The following PDZD2 variants were observed in gnomAD, a reference collection of about 807,000 sequenced individuals.
PDZD2 encodes the protein PDZ domain containing 2.
Under a neutral mutation model 220.7 loss-of-function variants are expected in PDZD2, and 90 were observed. The ratio of observed to expected loss-of-function variants is 0.41; its 90% CI spans 0.34 to 0.49. The LOEUF (loss-of-function observed/expected upper bound fraction) is 0.49, where lower values mean the gene tolerates loss of function less well. Among genes scored for constraint, PDZD2 ranks in the 20% least tolerant of loss-of-function variants. PDZD2 has a pLI of 0.28. For synonymous variants in PDZD2, 1,375 were observed against 1,450.5 expected, an observed-to-expected ratio of 0.95 and a Z score of 1.18; for missense variants, 3,174 against 3,608.5, an observed-to-expected ratio of 0.88 and a Z score of 3.08.
intron 1 of PDZD2, among the ~76,000 whole-genome samples, chr5:31,661,178 T>C (rs1054531447): frequency 2.6e-5 from 4 of 152,204 alleles, no homozygotes; most frequent in Admixed American, 1.3e-4. Context: ...AGGTCCTGGC[T>C]TCGGAGGTTC....
At chr5:31,804,712 C>T (rs1320429492) in intron 2 of PDZD2, among the ~76,000 whole-genome samples, 1 of 136,444 alleles carries the variant, frequency 7.3e-6, no homozygotes, top group African/African-American at 2.6e-5. Flanking sequence ...ACTTCTGCAC[C>T]AGATCTGTAC....
chr5:31,756,368 A>G (rs1266682861), intron 1 of PDZD2, among the ~76,000 whole-genome samples: 3 of 152,216 alleles, frequency 2.0e-5, no homozygotes, highest in African/African-American at 7.2e-5. Flanking sequence ...GTTCAGCACC[A>G]CATTCCCAGC....
chr5:31,709,297 G>A (rs925164146), intron 1 of PDZD2, among the ~76,000 whole-genome samples: 4 of 151,754 alleles, frequency 2.6e-5, no homozygotes. Flanking sequence ...GACCAGCTTG[G>A]GCAACGAAAT....
At chr5:31,991,807 TC>T (rs1751233782) in intron 3 of PDZD2, among the ~76,000 whole-genome samples, 1 of 152,176 alleles carries the variant, frequency 6.6e-6, no homozygotes. Context: ...GGTGGGCAGA[TC>T]ACCAGTGGTC....
intron 6 of PDZD2, among the ~76,000 whole-genome samples, chr5:32,030,058 G>A (rs1445932107): frequency 1.3e-5 from 2 of 152,182 alleles, no homozygotes; most frequent in Non-Finnish European, 2.9e-5. Context: ...CTTCTTGACT[G>A]GCATTTTCAC....
chr5:31,850,030 A>ACGTG (rs1757908601), intron 2 of PDZD2, among the ~76,000 whole-genome samples: 1 of 76,222 alleles, frequency 1.3e-5, no homozygotes, highest in Non-Finnish European at 2.3e-5. Context: ...ATATACTCAT[A>ACGTG]TATACACGTA....
intron 1 of PDZD2, among the ~76,000 whole-genome samples, chr5:31,737,078 A>G (rs406534): frequency 0.61 from 92,313 of 151,652 alleles, 28,502 homozygotes; most frequent in East Asian, 0.92. Context: ...ATTTCTTTAT[A>G]GCAATGCAAG....
chr5:32,077,256 G>A (rs947843748), intron 18 of PDZD2, among the ~76,000 whole-genome samples: 1 of 143,462 alleles, frequency 7.0e-6, no homozygotes, highest in African/African-American at 2.5e-5. Context: ...CCATTTTAGA[G>A]TTGAAAAAAA....
chr5:31,729,615 G>A (rs1353278101), intron 1 of PDZD2, among the ~76,000 whole-genome samples: 2 of 152,182 alleles, frequency 1.3e-5, no homozygotes, highest in African/African-American at 2.4e-5. Flanking sequence ...TTAGGAGTTA[G>A]AGGACTGTCC....
At chr5:31,824,767 G>A (rs781198048) in intron 2 of PDZD2, among the ~76,000 whole-genome samples, 1 of 151,940 alleles carries the variant, frequency 6.6e-6, no homozygotes, top group Non-Finnish European at 1.5e-5. Context: ...TTTTAAAATG[G>A]GAATAAAATG....
intron 2 of PDZD2, among the ~76,000 whole-genome samples, chr5:31,901,307 AC>A (rs1742077007): frequency 6.6e-6 from 1 of 151,906 alleles, no homozygotes. Context: ...AATCCCACCT[AC>A]CCAGGAGGCT....
chr5:31,993,209 G>A (rs1287812425), intron 3 of PDZD2, among the ~76,000 whole-genome samples: 1 of 152,212 alleles, frequency 6.6e-6, no homozygotes, highest in Non-Finnish European at 1.5e-5. Context: ...AAAATGAGGT[G>A]ATTGGATGAA....
rs1742740175 is a variant in PDZD2 at position 32,088,421 on chromosome 5, C to T, written c.4973C>T (p.Ser1658Leu). The change falls in exon 20 of 25, where the codon TCA becomes TTA. Residue 1658 changes from serine to leucine, a missense_variant. Ser to Leu is a moderately radical substitution (Grantham distance 145). Coordinates refer to ENST00000438447, the MANE Select transcript of PDZD2 (RefSeq NM_178140.4). The surrounding 1 kb of genome is among the most constrained non-coding windows in gnomAD (Gnocchi z 4.6). ...KAACLPGSYT[S>L]GPDSSQPSSL... is the part of the protein sequence containing the mutation. ...GCCTGCTTGCCAGGCTCATACACTTCAGGCCCAGACTCTTCCCAGCCATCA... is the reference window on the plus strand; with the variant it reads ...GCCTGCTTGCCAGGCTCATACACTTTAGGCCCAGACTCTTCCCAGCCATCA... 2 of 1,613,926 alleles carry T rather than the reference C, an allele frequency of 1.2e-6. No individual in the cohort carries two copies. Among genetic ancestry groups the T allele is most frequent in the African/African-American group, 1.3e-5 (1 of 74,914 alleles).
intron 1 of PDZD2, among the ~76,000 whole-genome samples, chr5:31,765,226 T>G (rs1202844620): frequency 1.3e-5 from 2 of 152,172 alleles, no homozygotes; most frequent in African/African-American, 4.8e-5. Flanking sequence ...ACCACTGGCA[T>G]TCCTTCAACA....
At chr5:32,045,126 T>C (rs1173538360) in intron 7 of PDZD2, among the ~76,000 whole-genome samples, 1 of 152,208 alleles carries the variant, frequency 6.6e-6, no homozygotes, top group Non-Finnish European at 1.5e-5. Flanking sequence ...AATTTTCTAC[T>C]AATAAATCTT....
At chr5:31,890,616 G>A (rs768640659) in intron 2 of PDZD2, among the ~76,000 whole-genome samples, 2 of 152,174 alleles carry the variant, frequency 1.3e-5, no homozygotes, top group Non-Finnish European at 2.9e-5. Flanking sequence ...CTACTTAGCA[G>A]GGGACCCCAA....
At chr5:31,689,143 G>A (rs895372406) in intron 1 of PDZD2, among the ~76,000 whole-genome samples, 3 of 151,262 alleles carry the variant, frequency 2.0e-5, no homozygotes, top group South Asian at 2.1e-4. Flanking sequence ...ATCTTGACTC[G>A]CTACAACCTC....
intron 6 of PDZD2, among the ~76,000 whole-genome samples, chr5:32,035,216 C>T (rs910142948): frequency 6.6e-6 from 1 of 151,984 alleles, no homozygotes; most frequent in Admixed American, 6.6e-5. Context: ...AGATTACCTA[C>T]GTAATTACTC....
At chr5:32,006,878 C>T (rs562350038) in intron 5 of PDZD2, among the ~76,000 whole-genome samples, 1 of 132,496 alleles carries the variant, frequency 7.5e-6, no homozygotes, top group Admixed American at 8.0e-5. Context: ...TTAGTAGAGA[C>T]GGGATTTCAC....
Sources: allele counts gnomAD v4.1 joint callset (sites outside exome capture counted in the v4.1 genomes callset), GRCh38; gene constraint gnomAD v4.1.1; non-coding constraint Gnocchi (gnomAD v3.1); transcripts MANE v1.5; gene names NCBI Gene and HGNC (gene_info 2026-07-23, HGNC 2026-07-21).